The following INSR variants were observed in gnomAD, a reference collection of about 807,000 sequenced individuals.
The protein encoded by INSR is insulin receptor.
In INSR, 67 loss-of-function variants were observed where a neutral mutation model predicts 142.6. The ratio of observed to expected loss-of-function variants is 0.47; its 90% CI spans 0.39 to 0.58. The LOEUF (loss-of-function observed/expected upper bound fraction) is 0.58. Among genes scored for constraint, INSR ranks in the 20% least tolerant of loss-of-function variants. The pLI is 0.00. For synonymous variants in INSR, 756 were observed against 743.1 expected (o/e 1.02, Z -0.28); for missense variants, 1,248 against 1,833.2 (o/e 0.68, Z 5.83).
At chr19:7,174,149 C>T (rs527574379) in intron 4 of INSR, among the ~76,000 whole-genome samples, 199 of 151,306 alleles carry the variant, frequency 1.3e-3, no homozygotes, top group South Asian at 8.8e-3. Context: ...AAAATTAGCC[C>T]GGCACAGTGA....
intron 2 of INSR, among the ~76,000 whole-genome samples, chr19:7,245,199 G>C (rs546310534): frequency 5.0e-4 from 76 of 152,070 alleles, no homozygotes; most frequent in African/African-American, 1.6e-3. Context: ...GCCTCCCCAA[G>C]TGCTGGGATT....
intron 2 of INSR, among the ~76,000 whole-genome samples, chr19:7,209,552 G>A (rs1975214025): frequency 6.6e-6 from 1 of 150,470 alleles, no homozygotes; most frequent in Admixed American, 6.7e-5. Flanking sequence ...CGAGTAACTG[G>A]GATTATAGGC....
At position 7,119,636 on chromosome 19, in the gene INSR, A is replaced by ACG. The variant is rs1274268697; in HGVS notation, c.3660-54_3660-53insCG. 11 of 1,603,438 alleles carry ACG rather than the reference A, an allele frequency of 6.9e-6. No individual in the cohort carries two copies. The highest frequency in any genetic ancestry group is 2.7e-5 in the African/African-American group (2 of 74,638). On this transcript the variant is annotated intron_variant, in intron 20 of 21. Transcript: ENST00000302850. The surrounding 1 kb of genome is among the most constrained non-coding windows in gnomAD (Gnocchi z 5.2). ...AAAGAAGCCATTTAGACACACACAC[A>ACG]CACGCGCGCGCGCAAACACACACAC...
intron 2 of INSR, among the ~76,000 whole-genome samples, chr19:7,213,856 G>A (rs1031218950): frequency 5.3e-5 from 8 of 152,166 alleles, no homozygotes. Flanking sequence ...AGGCGTGGTG[G>A]TGCACGCCTG....
At chr19:7,266,870 T>C (rs1967748508) in intron 2 of INSR, among the ~76,000 whole-genome samples, 1 of 152,188 alleles carries the variant, frequency 6.6e-6, no homozygotes, top group Non-Finnish European at 1.5e-5. Flanking sequence ...ATGTCTATTA[T>C]AAGCAATATC....
chr19:7,203,869 A>G (rs1223663874), intron 2 of INSR, among the ~76,000 whole-genome samples: 1 of 152,172 alleles, frequency 6.6e-6, no homozygotes, highest in Non-Finnish European at 1.5e-5. Context: ...AGCCAGGATG[A>G]CTGCTTTAAC....
chr19:7,212,287 TTC>T (rs997308246), intron 2 of INSR, among the ~76,000 whole-genome samples: 90 of 152,270 alleles, frequency 5.9e-4, no homozygotes, highest in African/African-American at 2.0e-3. Context: ...TGTCTGTCTG[TTC>T]ATCAGGCCCT....
intron 2 of INSR, among the ~76,000 whole-genome samples, chr19:7,187,005 C>T (rs1265862318): frequency 2.0e-5 from 3 of 151,004 alleles, no homozygotes; most frequent in Non-Finnish European, 4.4e-5. Flanking sequence ...GCCCGACATC[C>T]CATTTTACTT....
chr19:7,123,760 T>C (rs947657340), intron 17 of INSR, among the ~76,000 whole-genome samples: 1 of 149,800 alleles, frequency 6.7e-6, no homozygotes, highest in African/African-American at 2.5e-5. Flanking sequence ...CCATCTCTAC[T>C]AAAAATACAA....
chr19:7,252,647 T>C (rs1053826881), intron 2 of INSR, among the ~76,000 whole-genome samples: 1 of 152,156 alleles, frequency 6.6e-6, no homozygotes, highest in African/African-American at 2.4e-5. Context: ...CCCATCCTTA[T>C]CAGACCTCCG....
intron 2 of INSR, among the ~76,000 whole-genome samples, chr19:7,188,390 A>T (rs983325988): frequency 6.6e-6 from 1 of 151,188 alleles, no homozygotes; most frequent in East Asian, 1.9e-4. Flanking sequence ...TACTAAAAAT[A>T]CAGAAATTAG....
At chr19:7,274,654 A>ATT (rs1968012720) in intron 1 of INSR, among the ~76,000 whole-genome samples, 1 of 151,474 alleles carries the variant, frequency 6.6e-6, no homozygotes, top group Non-Finnish European at 1.5e-5. Context: ...CAAAAAAAAA[A>ATT]TAGCTGGGCA....
At chr19:7,273,912 G>A (rs1967991389) in intron 1 of INSR, among the ~76,000 whole-genome samples, 1 of 152,012 alleles carries the variant, frequency 6.6e-6, no homozygotes, top group African/African-American at 2.4e-5. Flanking sequence ...AGAATCGCTT[G>A]AACCCAGGAG....
chr19:7,224,719 C>A (rs911829860), intron 2 of INSR, among the ~76,000 whole-genome samples: 2 of 152,202 alleles, frequency 1.3e-5, no homozygotes, highest in African/African-American at 4.8e-5. Context: ...ATAAATACAG[C>A]AAAGAGTGTT....
At chr19:7,162,881 G>A in intron 9 of INSR, 151 bp downstream of exon 9, 1 of 687,756 alleles carries the variant, frequency 1.5e-6, no homozygotes, top group Non-Finnish European at 2.6e-6. Flanking sequence ...ATGTATGTGT[G>A]TTTTCATATG....
At chr19:7,196,439 G>C (rs965758783) in intron 2 of INSR, among the ~76,000 whole-genome samples, 1 of 152,084 alleles carries the variant, frequency 6.6e-6, no homozygotes, top group African/African-American at 2.4e-5. Context: ...CCGTAAGCTT[G>C]AAACGACATC....
chr19:7,200,045 TC>T (rs1455311016), intron 2 of INSR, among the ~76,000 whole-genome samples: 2 of 152,032 alleles, frequency 1.3e-5, no homozygotes, highest in African/African-American at 4.8e-5. Flanking sequence ...TATAAACAGT[TC>T]AGAGTTGATG....
intron 2 of INSR, among the ~76,000 whole-genome samples, chr19:7,229,222 AG>A (rs1975882337): frequency 4.8e-5 from 3 of 61,906 alleles, no homozygotes; most frequent in South Asian, 6.3e-4. Context: ...GATGGATAAT[AG>A]ATGGTGGGTG....
At chr19:7,238,639 A>AT (rs67160068) in intron 2 of INSR, among the ~76,000 whole-genome samples, 1 of 142,944 alleles carries the variant, frequency 7.0e-6, no homozygotes, top group Non-Finnish European at 1.5e-5. Flanking sequence ...AAAAAAAAAA[A>AT]GGAAAGGGAA....
Sources: allele counts gnomAD v4.1 joint callset (sites outside exome capture counted in the v4.1 genomes callset), GRCh38; gene constraint gnomAD v4.1.1; non-coding constraint Gnocchi (gnomAD v3.1); transcripts MANE v1.5; gene names NCBI Gene and HGNC (gene_info 2026-07-23, HGNC 2026-07-21).